The following TYW1 variants were observed in gnomAD, a reference collection of about 807,000 sequenced individuals.
TYW1 encodes tRNA-yW synthesizing protein 1 homolog.
TYW1 carries 46 observed loss-of-function variants against 96.2 expected under a neutral mutation model. That is an observed-to-expected ratio of 0.48 (90% CI 0.38 to 0.61). The LOEUF is 0.61. Among genes scored for constraint, TYW1 ranks in the 20% least tolerant of loss-of-function variants. The pLI is 0.00. For synonymous variants in TYW1, 274 were observed against 323.0 expected (o/e 0.85, Z 1.63); for missense variants, 684 against 909.6 (o/e 0.75, Z 3.19).
intron 10 of TYW1, among the ~76,000 whole-genome samples, chr7:67,072,640 C>T (rs1343360668): frequency 6.6e-6 from 1 of 152,064 alleles, no homozygotes; most frequent in Non-Finnish European, 1.5e-5. Context: ...GAACATTTAT[C>T]GTCATATGGA....
At chr7:67,236,276 A>G (rs979784062) in intron 15 of TYW1, among the ~76,000 whole-genome samples, 2 of 152,242 alleles carry the variant, frequency 1.3e-5, no homozygotes, top group African/African-American at 2.4e-5. Flanking sequence ...ATTCAGGATC[A>G]TAGGAATCAA....
chr7:67,224,718 T>A (rs1801502368), intron 15 of TYW1, among the ~76,000 whole-genome samples: 2 of 152,200 alleles, frequency 1.3e-5, no homozygotes, highest in Admixed American at 1.3e-4. Flanking sequence ...ACGAAGAAAA[T>A]GTCTGGTGTC....
intron 13 of TYW1, among the ~76,000 whole-genome samples, chr7:67,178,783 G>T (rs1799752080): frequency 6.6e-6 from 1 of 151,066 alleles, no homozygotes; most frequent in African/African-American, 2.5e-5. Context: ...GAAGGGAGTG[G>T]ATATTCACTG....
At chr7:67,093,973 A>G (rs1346247281) in intron 11 of TYW1, among the ~76,000 whole-genome samples, 1 of 152,130 alleles carries the variant, frequency 6.6e-6, no homozygotes, top group Non-Finnish European at 1.5e-5. Flanking sequence ...ATTGTACCTG[A>G]TAGGTAATTT....
chr7:67,170,696 A>G (rs1584649613), intron 13 of TYW1, among the ~76,000 whole-genome samples: 2 of 152,094 alleles, frequency 1.3e-5, no homozygotes, highest in Non-Finnish European at 2.9e-5. Flanking sequence ...ATAACCACCA[A>G]TCTGTTTTCT....
chr7:67,151,398 T>C (rs1798794517), intron 13 of TYW1, among the ~76,000 whole-genome samples: 2 of 152,068 alleles, frequency 1.3e-5, no homozygotes, highest in South Asian at 4.1e-4. Context: ...TGGGTTTGTT[T>C]TGTCTTTTAA....
chr7:67,089,294 C>T (rs2687001), intron 11 of TYW1: 1,362 of 1,389,390 alleles, frequency 9.8e-4, no homozygotes, highest in Non-Finnish European at 1.2e-3. Context: ...CTTGTCCCCT[C>T]GGGACCCAGG....
chr7:67,122,617 C>T (rs1797792226), intron 13 of TYW1, among the ~76,000 whole-genome samples: 1 of 152,146 alleles, frequency 6.6e-6, no homozygotes, highest in Admixed American at 6.6e-5. Flanking sequence ...TTAATTCCAT[C>T]TTATATGTTA....
intron 11 of TYW1, among the ~76,000 whole-genome samples, chr7:67,096,225 T>C (rs563868939): frequency 6.6e-6 from 1 of 152,212 alleles, no homozygotes; most frequent in African/African-American, 2.4e-5. Context: ...ACATCTCTAC[T>C]GAAACTACAA....
Position 67,208,216 on chromosome 7 carries a change from G to A in TYW1, c.1977+12879G>A, listed in dbSNP as rs1187045119. Among the ~76,000 whole-genome samples, 7 of 152,092 alleles carry A rather than the reference G, an allele frequency of 4.6e-5. No individual in the cohort carries two copies. In the East Asian group the frequency reaches 5.8e-4, roughly 13 times the overall value. On this transcript the variant is annotated intron_variant, in intron 15 of 15. Transcript: ENST00000359626. ...TGCCCATGTAGTCCCAACTACTTGCGAGGCTGAGGCAAGAGGATCGCTTGA... is the reference window on the plus strand; with the variant it reads ...TGCCCATGTAGTCCCAACTACTTGCAAGGCTGAGGCAAGAGGATCGCTTGA...
intron 7 of TYW1, among the ~76,000 whole-genome samples, chr7:67,025,273 T>C (rs1794411393): frequency 1.3e-5 from 2 of 151,932 alleles, no homozygotes; most frequent in African/African-American, 4.8e-5. Context: ...CATTGTAGAT[T>C]GGGGGTGTCC....
chr7:67,039,959 T>C (rs12537557), intron 7 of TYW1, among the ~76,000 whole-genome samples: 53,341 of 147,464 alleles, frequency 0.36, 9,597 homozygotes, highest in Middle Eastern at 0.44. Flanking sequence ...CCATGCCTGG[T>C]CTATTTTTTT....
At chr7:67,108,475 C>G (rs1460412006) in intron 12 of TYW1, among the ~76,000 whole-genome samples, 1 of 149,908 alleles carries the variant, frequency 6.7e-6, no homozygotes, top group Non-Finnish European at 1.5e-5. Context: ...AGGGTCTCAC[C>G]CTGTCACCCA....
chr7:67,121,735 A>T (rs1797766154), intron 13 of TYW1, among the ~76,000 whole-genome samples: 1 of 150,866 alleles, frequency 6.6e-6, no homozygotes. Context: ...AAAAATTTTG[A>T]TTTGTCCCAA....
At chr7:67,117,410 G>T in intron 12 of TYW1, 73 bp from the exon 13 acceptor site, 5 of 1,522,504 alleles carry the variant, frequency 3.3e-6, no homozygotes, top group Non-Finnish European at 3.5e-6. Context: ...ATTACAGATT[G>T]CAGGTTTTAT....
At chr7:67,208,558 C>T (rs1262658783) in intron 15 of TYW1, among the ~76,000 whole-genome samples, 2 of 151,932 alleles carry the variant, frequency 1.3e-5, no homozygotes, top group East Asian at 1.9e-4. Flanking sequence ...GGCGTGGTGG[C>T]GCGTGCCTGT....
chr7:67,075,897 C>G (rs1465433693), intron 10 of TYW1, among the ~76,000 whole-genome samples: 1 of 152,168 alleles, frequency 6.6e-6, no homozygotes, highest in East Asian at 1.9e-4. Flanking sequence ...CTCTTAGAAG[C>G]AAAATTTATT....
intron 9 of TYW1, among the ~76,000 whole-genome samples, chr7:67,060,975 C>T (rs1233041367): frequency 2.0e-5 from 3 of 152,162 alleles, no homozygotes; most frequent in Non-Finnish European, 4.4e-5. Context: ...CACCTGAAAT[C>T]CCAGCACTTT....
At chr7:67,162,997 G>A (rs1019666025) in intron 13 of TYW1, among the ~76,000 whole-genome samples, 3 of 152,016 alleles carry the variant, frequency 2.0e-5, no homozygotes, top group Non-Finnish European at 2.9e-5. Flanking sequence ...TTCTCTTTCA[G>A]CTATTTTGTC....
Sources: gnomAD v4.1 joint callset for allele counts (sites outside exome capture counted in the v4.1 genomes callset) on GRCh38, gnomAD v4.1.1 for gene constraint, MANE v1.5 for transcripts, NCBI Gene and HGNC (gene_info 2026-07-23, HGNC 2026-07-21) for gene names.